The following CERKL variants were observed in gnomAD, a reference collection of about 807,000 sequenced individuals.
CERKL encodes CERK like autophagy regulator.
A neutral mutation model predicts 63.4 loss-of-function variants in CERKL; 61 were observed. The observed-to-expected ratio is 0.96, with a 90% CI of 0.78 to 1.19. The LOEUF is 1.19. Ranked by LOEUF, CERKL falls within the 50% of genes most tolerant of loss-of-function variation. The pLI is 0.00. For synonymous variants in CERKL, 250 were observed against 230.5 expected, an observed-to-expected ratio of 1.08 and a Z score of -0.77; for missense variants, 675 against 655.5, an observed-to-expected ratio of 1.03 and a Z score of -0.33.
At chr2:181,611,944 ATTAGT>A (rs370591698) in intron 1 of CERKL, among the ~76,000 whole-genome samples, 1 of 152,234 alleles carries the variant, frequency 6.6e-6, no homozygotes, top group Non-Finnish European at 1.5e-5. Flanking sequence ...AAATAGTTTG[ATTAGT>A]TTAAATTTAA....
chr2:181,568,317 A>G (rs1423007445), intron 3 of CERKL, among the ~76,000 whole-genome samples: 3 of 152,172 alleles, frequency 2.0e-5, no homozygotes, highest in Non-Finnish European at 2.9e-5. Context: ...AACAGAATCC[A>G]TTATGTATAC....
At position 181,603,856 on chromosome 2, in the gene CERKL, C is replaced by T. The variant is rs2105893892; in HGVS notation, c.462G>A (p.Gln154=). 6.2e-7 allele frequency: 1 copy of T among 1,613,330 alleles called. No individual in the cohort carries two copies. The highest frequency in any genetic ancestry group is 8.5e-7 in the Non-Finnish European group (1 of 1,179,532). The change falls in exon 2 of 13, where the codon CAG becomes CAA. Residue 154 remains glutamine (Q), a synonymous_variant. Transcript: ENST00000410087. Reference sequence around the variant, plus strand: ...ACTTACCTGCCAATATTTTCTTGAACTGTCTAAACCATATGTCACAGTGGT... The same window carrying T: ...ACTTACCTGCCAATATTTTCTTGAATTGTCTAAACCATATGTCACAGTGGT... ...SEDHCDIWFR[Q]FKKILAGFPN...
chr2:181,565,752 T>G (rs1574454965), intron 4 of CERKL, among the ~76,000 whole-genome samples: 2 of 152,152 alleles, frequency 1.3e-5, no homozygotes, highest in Admixed American at 6.5e-5. Flanking sequence ...TCTCTAGATA[T>G]ATGGTAAAAG....
In CERKL at chr2:181,538,126, C is replaced by T; in HGVS notation, c.*58G>A. 1 of 1,204,602 alleles carries T rather than the reference C, an allele frequency of 8.3e-7. No homozygotes were observed. The highest frequency in any genetic ancestry group is 1.2e-5 in the South Asian group (1 of 81,456). 74.6% of individuals were successfully genotyped at this position (1,204,602 alleles called of 1,614,324 possible). ...TGGGGACCACAGGTTTAAAGCATGG[C>T]CACATTTCTTTATATTAAAATTCTA... On this transcript the variant is annotated 3_prime_UTR_variant, in exon 13 of 13. Transcript: ENST00000410087.
intron 1 of CERKL, among the ~76,000 whole-genome samples, chr2:181,606,348 G>A (rs190710536): frequency 0.096 from 3,023 of 31,544 alleles, 389 homozygotes; most frequent in East Asian, 0.23. Context: ...GGAGAGGAGG[G>A]GGAGGGAGAA....
intron 1 of CERKL, among the ~76,000 whole-genome samples, chr2:181,622,106 T>C (rs1179338801): frequency 6.6e-6 from 1 of 152,244 alleles, no homozygotes; most frequent in African/African-American, 2.4e-5. Flanking sequence ...TAGGTTCTGC[T>C]AATCAAGTCT....
chr2:181,650,760 AAAAAAAAAGAAAGAAAG>A (rs1687894162), intron 1 of CERKL, among the ~76,000 whole-genome samples: 2 of 150,172 alleles, frequency 1.3e-5, no homozygotes, highest in South Asian at 4.2e-4. Context: ...ACTCCATCTC[AAAAAAAAAGAAAGAAAG>A]AAAAAAAAGA....
chr2:181,606,145 A>G (rs1685668206), intron 1 of CERKL, among the ~76,000 whole-genome samples: 1 of 149,500 alleles, frequency 6.7e-6, no homozygotes, highest in South Asian at 2.2e-4. Flanking sequence ...GGACAAGGAG[A>G]AGGAGACAGA....
intron 1 of CERKL, among the ~76,000 whole-genome samples, chr2:181,622,355 C>G (rs1686494886): frequency 6.6e-6 from 1 of 152,140 alleles, no homozygotes; most frequent in Non-Finnish European, 1.5e-5. Flanking sequence ...AAGAGGCATC[C>G]ATTTTTATTT....
At chr2:181,624,253 C>T (rs1686583084) in intron 1 of CERKL, among the ~76,000 whole-genome samples, 1 of 152,058 alleles carries the variant, frequency 6.6e-6, no homozygotes, top group African/African-American at 2.4e-5. Context: ...CTGGGCCAGA[C>T]ATGGTGGCTC....
intron 3 of CERKL, among the ~76,000 whole-genome samples, chr2:181,573,320 T>C (rs1039198930): frequency 2.0e-5 from 3 of 152,206 alleles, no homozygotes; most frequent in African/African-American, 7.2e-5. Flanking sequence ...GTTCAGTGCT[T>C]AGTTTTGACC....
At chr2:181,603,734 T>C in intron 2 of CERKL, 103 bp downstream of exon 2, 2 of 1,159,474 alleles carry the variant, frequency 1.7e-6, no homozygotes, top group Non-Finnish European at 1.3e-6. Flanking sequence ...AGAAGGAAAC[T>C]ATCTCAACAT....
At chr2:181,654,939 G>A (rs1021081003) in intron 1 of CERKL, among the ~76,000 whole-genome samples, 2 of 151,996 alleles carry the variant, frequency 1.3e-5, no homozygotes, top group Non-Finnish European at 1.5e-5. Flanking sequence ...GACACACCAC[G>A]CCTGGCTATA....
At chr2:181,641,264 T>C (rs1230658058) in intron 1 of CERKL, among the ~76,000 whole-genome samples, 1 of 147,710 alleles carries the variant, frequency 6.8e-6, no homozygotes, top group Non-Finnish European at 1.5e-5. Flanking sequence ...ACACAAAATA[T>C]GTTAATATAT....
chr2:181,608,399 G>A (rs1382881062), intron 1 of CERKL, among the ~76,000 whole-genome samples: 1 of 132,166 alleles, frequency 7.6e-6, no homozygotes, highest in Non-Finnish European at 1.6e-5. Flanking sequence ...AGAACAATAA[G>A]AGCACAAAGG....
At chr2:181,629,070 A>C (rs1299899349) in intron 1 of CERKL, among the ~76,000 whole-genome samples, 1 of 135,528 alleles carries the variant, frequency 7.4e-6, no homozygotes, top group Non-Finnish European at 1.5e-5. Flanking sequence ...TTCCAAATTG[A>C]ATTAACTCAT....
chr2:181,624,714 T>C (rs942912090), intron 1 of CERKL, among the ~76,000 whole-genome samples: 3 of 112,830 alleles, frequency 2.7e-5, no homozygotes, highest in African/African-American at 9.5e-5. Context: ...ACAGGATTTG[T>C]TGATAGGTTG....
intron 1 of CERKL, among the ~76,000 whole-genome samples, chr2:181,610,972 C>T (rs1356254772): frequency 2.0e-5 from 3 of 152,128 alleles, no homozygotes; most frequent in African/African-American, 7.2e-5. Context: ...GGCCTGTAAT[C>T]CCAGCACTTT....
At chr2:181,600,826 C>G (rs1016771478) in intron 2 of CERKL, among the ~76,000 whole-genome samples, 3 of 152,190 alleles carry the variant, frequency 2.0e-5, no homozygotes, top group African/African-American at 7.2e-5. Context: ...AAGGTATACA[C>G]TGGACTTAAA....
Sources: allele counts gnomAD v4.1 joint callset (sites outside exome capture counted in the v4.1 genomes callset), GRCh38; gene constraint gnomAD v4.1.1; transcripts MANE v1.5; gene names NCBI Gene and HGNC (gene_info 2026-07-23, HGNC 2026-07-21).